MEMO1: variants seen among roughly 807,000 people sequenced by gnomAD.
MEMO1 encodes the protein protein MEMO1.
In MEMO1, 6 loss-of-function variants were observed where a neutral mutation model predicts 45.2. The ratio of observed to expected loss-of-function variants is 0.13; its 90% CI spans 0.07 to 0.26. The LOEUF is 0.26. MEMO1 is among the 10% of genes least tolerant of loss of function. MEMO1 has a pLI of 1.00. For synonymous variants in MEMO1, 78 were observed against 124.3 expected (o/e 0.63, Z 2.48); for missense variants, 184 against 370.5 (o/e 0.50, Z 4.13).
intron 2 of MEMO1, among the ~76,000 whole-genome samples, chr2:32,002,200 C>CATGTATAT (rs1673448730): frequency 3.0e-4 from 40 of 131,932 alleles, no homozygotes; most frequent in Admixed American, 6.9e-4. Flanking sequence ...CACACACACA[C>CATGTATAT]ACATGTATAT....
chr2:31,932,189 C>G lies in MEMO1; in HGVS notation c.144-54G>C, dbSNP rs1389487015. ...TCATCAGATTCAAAATCAAGATATT[C>G]TAGAAAGAAAAACCTTGAAATAAAT... On this transcript the variant is annotated intron_variant, in intron 3 of 9. Transcript: ENST00000404530. The G allele has an allele frequency of 2.7e-6, 4 of 1,502,640 alleles. No individual in the cohort carries two copies. In the Admixed American group the frequency reaches 5.1e-5, roughly 19 times the overall value. The allele number at this position is 1,502,640 out of a possible 1,614,324, so 93.1% of individuals were successfully genotyped here. A position where few individuals can be genotyped will look rare whatever the true frequency, so the allele number is the denominator to read the frequency against.
Position 31,884,769 on chromosome 2 carries a change from T to C in MEMO1, c.581-1307A>G, listed in dbSNP as rs112971289. Among the ~76,000 whole-genome samples, 336 of 152,308 alleles carry C rather than the reference T, an allele frequency of 2.2e-3. 3 individuals are homozygous for C. The highest frequency in any genetic ancestry group is 7.7e-3 in the African/African-American group (322 of 41,558). ...CATAATTACTCAATGTAGCAGTCCT[T>C]ATTCTCTCCCAAGAGCCATTATTCA... On this transcript the variant is annotated intron_variant, in intron 7 of 9. Coordinates refer to ENST00000404530, the MANE Select transcript of MEMO1 (RefSeq NM_001301833.4).
chr2:31,906,542 C>G (rs1679773008), intron 6 of MEMO1, among the ~76,000 whole-genome samples: 1 of 151,948 alleles, frequency 6.6e-6, no homozygotes, highest in African/African-American at 2.4e-5. Context: ...CCAGGATGGT[C>G]TTGAACTCCT....
intron 2 of MEMO1, among the ~76,000 whole-genome samples, chr2:31,960,888 ATCT>A (rs1407060074): frequency 1.3e-5 from 2 of 152,112 alleles, no homozygotes; most frequent in African/African-American, 4.8e-5. Flanking sequence ...GCCTGGCCAA[ATCT>A]TCTCAATTTA....
chr2:31,945,625 C>G (rs1666105548), intron 2 of MEMO1, among the ~76,000 whole-genome samples: 1 of 152,154 alleles, frequency 6.6e-6, no homozygotes, highest in East Asian at 1.9e-4. Flanking sequence ...GCCAGCAGCC[C>G]AAAACTGCCT....
intron 2 of MEMO1, among the ~76,000 whole-genome samples, chr2:32,003,879 C>T (rs1558571696): frequency 6.6e-6 from 1 of 152,124 alleles, no homozygotes; most frequent in African/African-American, 2.4e-5. Context: ...AAGTGAGACA[C>T]CATCTCTACA....
At chr2:31,908,823 G>C (rs555889198) in intron 6 of MEMO1, among the ~76,000 whole-genome samples, 1 of 152,188 alleles carries the variant, frequency 6.6e-6, no homozygotes, top group South Asian at 2.1e-4. Context: ...GAGTTTAACA[G>C]ACTTGGAGTA....
At chr2:31,989,738 T>A (rs1671711840) in intron 2 of MEMO1, among the ~76,000 whole-genome samples, 1 of 152,208 alleles carries the variant, frequency 6.6e-6, no homozygotes, top group East Asian at 1.9e-4. Context: ...CTCAATAAAA[T>A]GATTTTTTTT....
intron 2 of MEMO1, among the ~76,000 whole-genome samples, chr2:31,984,928 G>A (rs1404753455): frequency 6.6e-6 from 1 of 152,252 alleles, no homozygotes; most frequent in African/African-American, 2.4e-5. Context: ...AATGTACCAT[G>A]TAAGAGTAAG....
At chr2:31,883,661 G>A (rs1450951944) in intron 7 of MEMO1, among the ~76,000 whole-genome samples, 199 bp from the exon 8 acceptor site, 3 of 152,016 alleles carry the variant, frequency 2.0e-5, no homozygotes, top group African/African-American at 7.2e-5. Flanking sequence ...TATCACCAAT[G>A]TTTTATGATG....
chr2:31,984,351 A>C (rs1041796783), intron 2 of MEMO1, among the ~76,000 whole-genome samples: 4 of 152,234 alleles, frequency 2.6e-5, no homozygotes, highest in African/African-American at 9.6e-5. Context: ...AAAATCAGAC[A>C]AATCCAAATG....
chr2:31,913,277 A>T (rs971841408), intron 6 of MEMO1, among the ~76,000 whole-genome samples: 5 of 151,232 alleles, frequency 3.3e-5, no homozygotes, highest in African/African-American at 9.7e-5. Context: ...AAAAGCAGAA[A>T]TTTAAATAAT....
chr2:31,943,415 G>A, intron 2 of MEMO1, 32 bp from the exon 3 acceptor site: 2 of 1,479,892 alleles, frequency 1.4e-6, no homozygotes, highest in Non-Finnish European at 1.9e-6. Context: ...ATTAGAGTCA[G>A]CAAAGCAATG....
rs76307719 is a variant in MEMO1 at position 31,874,214 on chromosome 2, T to C, written c.658-4262A>G. On this transcript the variant is annotated intron_variant, in intron 8 of 9. Transcript: ENST00000404530. The stretch of plus-strand genomic sequence containing the variant: ...TAATAAAAATGATAACCTATGACCA[T>C]CTCATATGAATAACTATGACTAATA... Among the ~76,000 whole-genome samples, 256 of 152,196 alleles carry C rather than the reference T, an allele frequency of 1.7e-3. 7 individuals carry two copies. In the East Asian group the frequency reaches 0.044, roughly 26 times the overall value.
chr2:31,947,682 T>C (rs932914357), intron 2 of MEMO1, among the ~76,000 whole-genome samples: 1 of 152,154 alleles, frequency 6.6e-6, no homozygotes, highest in Admixed American at 6.5e-5. Context: ...AGCTGAGGTA[T>C]CTCCTCAAGA....
Position 31,895,903 on chromosome 2 carries a change from C to T in MEMO1, c.438-3769G>A, listed in dbSNP as rs1041471787. 3.2e-5 allele frequency among the ~76,000 whole-genome samples: 4 copies of T among 126,020 alleles called. No individual in the cohort carries two copies. In the South Asian group the frequency reaches 1.0e-3, roughly 33 times the overall value. The allele number at this position is 126,020 out of a possible 152,430, so 82.7% of individuals were successfully genotyped here. On this transcript the variant is annotated intron_variant, in intron 6 of 9. Coordinates refer to ENST00000404530, the MANE Select transcript of MEMO1 (RefSeq NM_001301833.4). ...TGTCGCCCAGGCTGGAGTGCAGTGG[C>T]GAGATCTCAGCTCACTGTAGGCTCC...
chr2:31,912,045 A>G (rs1680645359), intron 6 of MEMO1, among the ~76,000 whole-genome samples: 2 of 152,152 alleles, frequency 1.3e-5, no homozygotes, highest in African/African-American at 4.8e-5. Context: ...TATAAAAAGC[A>G]ATTATAGGCT....
chr2:31,910,672 C>G (rs1680429333), intron 6 of MEMO1, among the ~76,000 whole-genome samples: 1 of 152,012 alleles, frequency 6.6e-6, no homozygotes, highest in Admixed American at 6.6e-5. Context: ...CCAGCCTGGG[C>G]AGGATAGTGA....
intron 3 of MEMO1, among the ~76,000 whole-genome samples, chr2:31,933,576 GCT>G (rs1558514688): frequency 6.6e-6 from 1 of 151,422 alleles, no homozygotes; most frequent in Non-Finnish European, 1.5e-5. Flanking sequence ...TCACAACAAG[GCT>G]CTTTTTTAAA....
Sources: allele counts gnomAD v4.1 joint callset (sites outside exome capture counted in the v4.1 genomes callset), GRCh38; gene constraint gnomAD v4.1.1; transcripts MANE v1.5; gene names NCBI Gene and HGNC (gene_info 2026-07-23, HGNC 2026-07-21).